The following DYRK1A variants were observed in gnomAD, a reference collection of about 807,000 sequenced individuals.
DYRK1A encodes dual specificity tyrosine phosphorylation regulated kinase 1A, also known as dual specificity tyrosine-phosphorylation-regulated kinase 1A.
In DYRK1A, 9 loss-of-function variants were observed where a neutral mutation model predicts 79.7. The ratio of observed to expected loss-of-function variants is 0.11; its 90% CI spans 0.07 to 0.20. The LOEUF (loss-of-function observed/expected upper bound fraction) is 0.20, where lower values mean the gene tolerates loss of function less well. Ranked by LOEUF, DYRK1A falls within the 10% of genes least tolerant of loss-of-function variation. The probability of loss-of-function intolerance (pLI) is 1.00; values close to 1 mark genes in which losing one functional copy is unlikely to be tolerated. For missense variants in DYRK1A, 622 were observed against 956.0 expected, an observed-to-expected ratio of 0.65 and a Z score of 4.61; for synonymous variants, 349 against 329.7, an observed-to-expected ratio of 1.06 and a Z score of -0.63.
At chr21:37,447,874 G>C (rs1231459543) in intron 2 of DYRK1A, among the ~76,000 whole-genome samples, 1 of 151,626 alleles carries the variant, frequency 6.6e-6, no homozygotes, top group Non-Finnish European at 1.5e-5. Context: ...AGCACTTGGT[G>C]TTTTCTAGTA....
chr21:37,392,587 C>T (rs1324466151), intron 1 of DYRK1A, among the ~76,000 whole-genome samples: 1 of 152,130 alleles, frequency 6.6e-6, no homozygotes, highest in Non-Finnish European at 1.5e-5. Context: ...CTTGCCGTGT[C>T]CTCACATGAT....
At chr21:37,421,714 TTAGAATTTTA>T (rs1228309399) in intron 2 of DYRK1A, 1 of 152,156 alleles carries the variant, frequency 6.6e-6, no homozygotes, top group African/African-American at 2.4e-5. Context: ...AGAAACATTT[TTAGAATTTTA>T]TGCACATTTT....
chr21:37,486,095 T>C (rs1174310801), intron 5 of DYRK1A: 1 of 153,196 alleles, frequency 6.5e-6, no homozygotes, highest in East Asian at 1.9e-4. Context: ...TTCGATGAGT[T>C]GTTTTATAGT....
chr21:37,373,720 A>G (rs2049479833), intron 1 of DYRK1A, among the ~76,000 whole-genome samples: 2 of 152,312 alleles, frequency 1.3e-5, no homozygotes, highest in East Asian at 3.9e-4. Flanking sequence ...ATTTTTCTTC[A>G]TACCCTATTG....
intron 5 of DYRK1A, among the ~76,000 whole-genome samples, chr21:37,485,741 A>G (rs1431119454): frequency 8.3e-6 from 1 of 120,218 alleles, no homozygotes; most frequent in Non-Finnish European, 1.9e-5. Context: ...GTTTATGTAA[A>G]TCTTTTATAG....
At chr21:37,409,747 T>C (rs913988757) in intron 1 of DYRK1A, among the ~76,000 whole-genome samples, 11 of 152,194 alleles carry the variant, frequency 7.2e-5, no homozygotes, top group Non-Finnish European at 7.3e-5. Flanking sequence ...TCTTAAATGC[T>C]TTCTTCGAGT....
At position 37,436,962 on chromosome 21, in the gene DYRK1A, G is replaced by A. The variant is rs115374288; in HGVS notation, c.10+16578G>A. Reference sequence around the variant, plus strand: ...CAGAAGAGGGAGAAATTTTTGGATTGGGACTAGGAAAAGATTCTTGGCGAA... The same window carrying A: ...CAGAAGAGGGAGAAATTTTTGGATTAGGACTAGGAAAAGATTCTTGGCGAA... On this transcript the variant is annotated intron_variant, in intron 2 of 11. Transcript: ENST00000647188. 4.3e-3 allele frequency among the ~76,000 whole-genome samples: 659 copies of A among 152,216 alleles called. 5 individuals carry two copies. Among genetic ancestry groups the A allele is most frequent in the African/African-American group, 0.015 (615 of 41,536 alleles).
At chr21:37,484,196 T>A (rs113943152) in intron 5 of DYRK1A, among the ~76,000 whole-genome samples, 2 of 152,300 alleles carry the variant, frequency 1.3e-5, no homozygotes, top group African/African-American at 4.8e-5. Context: ...CAGAACAGTT[T>A]GATCCCCAAA....
At chr21:37,370,327 C>T (rs2049404788) in intron 1 of DYRK1A, among the ~76,000 whole-genome samples, 1 of 149,848 alleles carries the variant, frequency 6.7e-6, no homozygotes, top group African/African-American at 2.5e-5. Flanking sequence ...GAAATTTAGG[C>T]TGCCCTGAGG....
At chr21:37,463,479 A>G (rs770784309) in intron 2 of DYRK1A, among the ~76,000 whole-genome samples, 1 of 152,188 alleles carries the variant, frequency 6.6e-6, no homozygotes, top group Non-Finnish European at 1.5e-5. Context: ...CTGTGCTATA[A>G]GACTTTTCTC....
chr21:37,412,220 A>G (rs534057816), intron 1 of DYRK1A, among the ~76,000 whole-genome samples: 2 of 152,340 alleles, frequency 1.3e-5, no homozygotes, highest in East Asian at 3.9e-4. Flanking sequence ...AGGGGCTTAA[A>G]TGCACTTTAT....
intron 1 of DYRK1A, among the ~76,000 whole-genome samples, chr21:37,416,317 CTTT>C (rs775621138): frequency 1.6e-3 from 158 of 98,144 alleles, no homozygotes; most frequent in African/African-American, 4.5e-3. Context: ...GTGTTTTGGC[CTTT>C]TTTTTTTTTT....
intron 5 of DYRK1A, chr21:37,481,514 C>T (rs1209618798): frequency 6.6e-6 from 1 of 152,296 alleles, no homozygotes; most frequent in East Asian, 1.9e-4. Context: ...GCCTCAGTCT[C>T]CCGAGTAGCT....
chr21:37,376,980 A>G (rs527895039), intron 1 of DYRK1A, among the ~76,000 whole-genome samples: 11 of 152,202 alleles, frequency 7.2e-5, no homozygotes, highest in Non-Finnish European at 1.2e-4. Flanking sequence ...ATTGTGTTAG[A>G]AAACTATGTA....
intron 2 of DYRK1A, among the ~76,000 whole-genome samples, chr21:37,459,152 T>A (rs2051757448): frequency 1.3e-5 from 2 of 152,228 alleles, no homozygotes; most frequent in Non-Finnish European, 1.5e-5. Context: ...TCACTGTCAT[T>A]TTTCTCTTGA....
intron 2 of DYRK1A, among the ~76,000 whole-genome samples, chr21:37,439,268 TTGTA>T (rs770830495): frequency 5.6e-4 from 86 of 152,354 alleles, no homozygotes; most frequent in Non-Finnish European, 1.0e-3. Context: ...TTTGGTTACC[TTGTA>T]TGTATTTCTT....
intron 2 of DYRK1A, among the ~76,000 whole-genome samples, chr21:37,428,483 T>C (rs2050688136): frequency 1.3e-5 from 2 of 152,292 alleles, no homozygotes; most frequent in East Asian, 3.9e-4. Context: ...ACAGTAAGCT[T>C]ATCTGTATTA....
chr21:37,430,524 T>C (rs1323077361), intron 2 of DYRK1A: 1 of 499,672 alleles, frequency 2.0e-6, no homozygotes, highest in Non-Finnish European at 2.6e-6. Flanking sequence ...GTTGCCCAAC[T>C]CAAGAGCCAG....
chr21:37,382,263 G>A (rs971612707), intron 1 of DYRK1A, among the ~76,000 whole-genome samples: 2 of 149,912 alleles, frequency 1.3e-5, no homozygotes, highest in African/African-American at 2.5e-5. Flanking sequence ...TCACTTTTAC[G>A]GGGATCTCAC....
Sources: allele counts gnomAD v4.1 joint callset (sites outside exome capture counted in the v4.1 genomes callset), GRCh38; gene constraint gnomAD v4.1.1; transcripts MANE v1.5; gene names NCBI Gene and HGNC (gene_info 2026-07-23, HGNC 2026-07-21).